HDAC9: variants seen among roughly 807,000 people sequenced by gnomAD.
HDAC9 encodes MEF-2 interacting transcription repressor (MITR) protein.
Under a neutral mutation model 139.4 loss-of-function variants are expected in HDAC9, and 41 were observed. That is an observed-to-expected ratio of 0.29 (90% CI 0.23 to 0.38). The LOEUF is 0.38. Among genes scored for constraint, HDAC9 ranks in the 10% least tolerant of loss-of-function variants. HDAC9 has a pLI of 1.00. For missense variants in HDAC9, 1,147 were observed against 1,297.0 expected, an observed-to-expected ratio of 0.88 and a Z score of 1.78; for synonymous variants, 517 against 476.2, an observed-to-expected ratio of 1.09 and a Z score of -1.12.
intron 13 of HDAC9, among the ~76,000 whole-genome samples, chr7:18,734,322 C>T (rs550886105): frequency 3.9e-5 from 6 of 152,180 alleles, no homozygotes; most frequent in Admixed American, 1.3e-4. Flanking sequence ...GTTGGTTTGC[C>T]GTACCCATCA....
At chr7:18,903,521 A>C (rs1291812576) in intron 22 of HDAC9, among the ~76,000 whole-genome samples, 2 of 152,084 alleles carry the variant, frequency 1.3e-5, no homozygotes, top group African/African-American at 4.8e-5. Flanking sequence ...CCATCCCTAG[A>C]GTTTCTGTTT....
chr7:18,362,841 A>T (rs1175440126), intron 1 of HDAC9, among the ~76,000 whole-genome samples: 2 of 152,194 alleles, frequency 1.3e-5, no homozygotes, highest in East Asian at 3.9e-4. Flanking sequence ...GTTCTGGTTT[A>T]CGTCTTTAAA....
At chr7:18,771,634 G>C (rs953864768) in intron 16 of HDAC9, among the ~76,000 whole-genome samples, 2 of 151,830 alleles carry the variant, frequency 1.3e-5, no homozygotes, top group South Asian at 4.2e-4. Flanking sequence ...CACCACATGT[G>C]TATCTTCATA....
intron 8 of HDAC9, among the ~76,000 whole-genome samples, chr7:18,644,293 C>T (rs1786656116): frequency 6.6e-6 from 1 of 151,794 alleles, no homozygotes; most frequent in Non-Finnish European, 1.5e-5. Flanking sequence ...AAGATAATGA[C>T]TGTGGTGGCA....
chr7:18,860,672 GAAAA>G (rs71017005), intron 21 of HDAC9, among the ~76,000 whole-genome samples: 4 of 151,746 alleles, frequency 2.6e-5, no homozygotes, highest in Non-Finnish European at 5.9e-5. Flanking sequence ...ATAAAGGAAA[GAAAA>G]AAAGGAAGAC....
At chr7:18,281,431 C>T (rs1052298452) in intron 2 of HDAC9, among the ~76,000 whole-genome samples, 2 of 152,186 alleles carry the variant, frequency 1.3e-5, no homozygotes, top group Admixed American at 1.3e-4. Context: ...GATTCCGTAA[C>T]TTCTAGTCTT....
chr7:18,124,101 A>C (rs1349630471), intron 1 of HDAC9, among the ~76,000 whole-genome samples: 1 of 152,200 alleles, frequency 6.6e-6, no homozygotes, highest in Non-Finnish European at 1.5e-5. Flanking sequence ...ACCAAGAATC[A>C]GATTGTTAGA....
At chr7:18,540,072 A>G (rs1276258340) in intron 2 of HDAC9, among the ~76,000 whole-genome samples, 2 of 148,970 alleles carry the variant, frequency 1.3e-5, no homozygotes, top group African/African-American at 5.0e-5. Context: ...AGCCTGGCCA[A>G]CATGTTGAAA....
chr7:18,280,476 T>C (rs1043396599), intron 2 of HDAC9, among the ~76,000 whole-genome samples: 1 of 151,880 alleles, frequency 6.6e-6, no homozygotes, highest in African/African-American at 2.4e-5. Context: ...TAATCCCAGC[T>C]ACTCAGGAGG....
chr7:18,343,566 CAAAATT>C (rs372813480), intron 1 of HDAC9, among the ~76,000 whole-genome samples: 85 of 151,736 alleles, frequency 5.6e-4, no homozygotes, highest in African/African-American at 1.7e-3. Context: ...TTTTTAAACT[CAAAATT>C]AAAACAGAAA....
chr7:18,916,072 A>G (rs1254746012), intron 22 of HDAC9, among the ~76,000 whole-genome samples: 1 of 151,238 alleles, frequency 6.6e-6, no homozygotes, highest in African/African-American at 2.4e-5. Context: ...TCGTTAGGCC[A>G]TACCCAAACA....
chr7:18,584,929 TC>T (rs1430926598), intron 2 of HDAC9, among the ~76,000 whole-genome samples: 3 of 29,448 alleles, frequency 1.0e-4, no homozygotes, highest in African/African-American at 2.1e-4. Flanking sequence ...TCAACATAAT[TC>T]CATTTTTTTT....
chr7:18,375,107 C>G (rs182221846), intron 1 of HDAC9, among the ~76,000 whole-genome samples: 9 of 152,366 alleles, frequency 5.9e-5, no homozygotes, highest in Middle Eastern at 3.4e-3. Flanking sequence ...TAAACAGCCT[C>G]AGGCTGGTCC....
chr7:18,835,820 A>G (rs567070252), intron 20 of HDAC9, 80 bp from the exon 21 acceptor site: 2 of 1,043,274 alleles, frequency 1.9e-6, no homozygotes, highest in South Asian at 1.5e-5. Context: ...AAGAGCTCCC[A>G]TGTGCTTGTT....
At chr7:18,683,897 C>G (rs1266339352) in intron 12 of HDAC9, among the ~76,000 whole-genome samples, 1 of 151,948 alleles carries the variant, frequency 6.6e-6, no homozygotes, top group Non-Finnish European at 1.5e-5. Context: ...TAAAATAAAA[C>G]TAAGAATACT....
chr7:18,975,930 G>A lies in HDAC9; in HGVS notation c.3147G>A (p.Gln1049=). The A allele has an allele frequency of 6.2e-7, 1 of 1,613,774 alleles. No individual in the cohort carries two copies. The highest frequency in any genetic ancestry group is 8.5e-7 in the Non-Finnish European group (1 of 1,179,794). ...ALASLTVDVE[Q]PFAQEDSRTA... ...CCTCCCTAACAGTGGATGTGGAACA[G>A]CCCTTTGCTCAGGAAGACAGCAGGT... The change falls in exon 25 of 26, where the codon CAG becomes CAA. Residue 1049 remains glutamine (Q), a synonymous_variant. Coordinates refer to ENST00000686413, the MANE Select transcript of HDAC9 (RefSeq NM_178425.4).
At position 18,975,863 on chromosome 7, in the gene HDAC9, G is replaced by A; in HGVS notation, c.3080G>A (p.Gly1027Asp). 6.2e-7 allele frequency: 1 copy of A among 1,613,908 alleles called. No individual in the cohort carries two copies. The highest frequency in any genetic ancestry group is 8.5e-7 in the Non-Finnish European group (1 of 1,179,836). ...GTGCCAAGGGGCTGTGCTCTGGCTGGTGCTCAGTTGCAAGAGGAGACAGAG... is the reference window on the plus strand; with the variant it reads ...GTGCCAAGGGGCTGTGCTCTGGCTGATGCTCAGTTGCAAGAGGAGACAGAG... ...VAVPRGCALA[G>D]AQLQEETETV... Residue 1027 changes from glycine (G) to aspartate (D), a missense_variant, in exon 25 of 26, where the codon GGT (glycine) becomes GAT (aspartate). By Grantham distance (94) the Gly-to-Asp change is moderately conservative. This residue lies in a region of HDAC9 where 407 missense variants were observed against 521.5 expected (regional missense o/e 0.78). Transcript: ENST00000686413.
chr7:18,799,040 GACACACACACACACACACACACACACAC>G (rs201166800), intron 17 of HDAC9, among the ~76,000 whole-genome samples: 2 of 47,554 alleles, frequency 4.2e-5, no homozygotes, highest in Non-Finnish European at 9.2e-5. Context: ...TGTGCCCTAA[GACACACACACACACACACACACACACAC>G]ACACACACAC....
chr7:18,146,182 A>G (rs1270953281), intron 1 of HDAC9, among the ~76,000 whole-genome samples: 1 of 152,210 alleles, frequency 6.6e-6, no homozygotes, highest in Non-Finnish European at 1.5e-5. Context: ...TAAAGGGATA[A>G]GAGCTTTGAT....
Sources: gnomAD v4.1 joint callset for allele counts (sites outside exome capture counted in the v4.1 genomes callset) on GRCh38, gnomAD v4.1.1 for gene constraint, gnomAD v4.1.1 regional missense constraint, MANE v1.5 for transcripts, NCBI Gene and HGNC (gene_info 2026-07-23, HGNC 2026-07-21) for gene names.